TREML4: variants seen among roughly 807,000 people sequenced by gnomAD.
The protein encoded by TREML4 is triggering receptor expressed on myeloid cells like 4.
Under a neutral mutation model 25.4 loss-of-function variants are expected in TREML4, and 25 were observed. The ratio of observed to expected loss-of-function variants is 0.98; its 90% CI spans 0.72 to 1.37. TREML4 has a LOEUF of 1.37. Among genes scored for constraint, TREML4 ranks in the 40% most tolerant of loss-of-function variants. TREML4 has a pLI of 0.00. For synonymous variants in TREML4, 92 were observed against 87.9 expected, an observed-to-expected ratio of 1.05 and a Z score of -0.26; for missense variants, 268 against 236.5, an observed-to-expected ratio of 1.13 and a Z score of -0.87.
rs1474606506 is a variant in TREML4 at position 41,228,499 on chromosome 6, G to A, written c.63+9G>A. ...GCTGCTCCTGGCCTCAGGTGACATG[G>A]AGGGAAAGAGTGCAGGGGGTGTAAG... On this transcript the variant is annotated intron_variant, in intron 1 of 5. Coordinates refer to ENST00000341495, the MANE Select transcript of TREML4 (RefSeq NM_198153.3). 1 of 1,611,798 alleles carries A rather than the reference G, an allele frequency of 6.2e-7. No homozygotes were observed. Among genetic ancestry groups the A allele is most frequent in the Non-Finnish European group, 8.5e-7 (1 of 1,179,114 alleles).
chr6:41,231,984 G>A (rs892893428), intron 4 of TREML4, among the ~76,000 whole-genome samples: 29 of 152,178 alleles, frequency 1.9e-4, no homozygotes, highest in African/African-American at 7.0e-4. Context: ...GACCCATTAT[G>A]TAAAAGGGAA....
At chr6:41,230,561 T>G (rs1446669403) in intron 4 of TREML4, among the ~76,000 whole-genome samples, 2 of 152,136 alleles carry the variant, frequency 1.3e-5, no homozygotes, top group African/African-American at 2.4e-5. Context: ...CGGCCTCCCC[T>G]TCACTGGAGG....
intron 3 of TREML4, 42 bp downstream of exon 3, chr6:41,229,613 C>T (rs941456989): frequency 1.2e-6 from 2 of 1,605,320 alleles, no homozygotes; most frequent in Admixed American, 3.3e-5. Flanking sequence ...GAAGGGTCAC[C>T]AGGCAGCTTG....
intron 4 of TREML4, chr6:41,232,331 G>A (rs1283528946): frequency 5.0e-6 from 2 of 400,270 alleles, no homozygotes; most frequent in African/African-American, 2.0e-5. Flanking sequence ...AGCATCTTGG[G>A]AAAGTTTGTT....
Position 41,230,056 on chromosome 6 carries a change from C to T in TREML4, c.446-6C>T, listed in dbSNP as rs776202576. The T allele has an allele frequency of 1.1e-5, 17 of 1,609,680 alleles. No homozygotes were observed. The South Asian group carries it at 1.8e-4, about 17-fold the overall frequency. ...GCAGCCACTGTCTTCTTTGTGTCCT[C>T]TTTAGTTCTGATCACTTCTCCAGAG... On this transcript the variant is annotated splice_polypyrimidine_tract_variant and splice_region_variant and intron_variant, in intron 3 of 5. Transcript: ENST00000341495.
intron 3 of TREML4, 47 bp downstream of exon 3, chr6:41,229,618 A>C (rs1313269294): frequency 6.3e-7 from 1 of 1,597,360 alleles, no homozygotes; most frequent in South Asian, 1.1e-5. Context: ...GTCACCAGGC[A>C]GCTTGGGAGC....
At chr6:41,230,004 A>T in intron 3 of TREML4, 58 bp from the exon 4 acceptor site, 1 of 1,456,346 alleles carries the variant, frequency 6.9e-7, no homozygotes, top group Non-Finnish European at 9.7e-7. Context: ...TTGGGACCCA[A>T]TCCCATTCTC....
chr6:41,228,583 A>G, intron 1 of TREML4, 93 bp downstream of exon 1: 17 of 1,504,700 alleles, frequency 1.1e-5, no homozygotes, highest in Non-Finnish European at 1.4e-5. Flanking sequence ...CATAGGACAG[A>G]ATTTAGGGGC....
chr6:41,229,295 C>T (rs998820175), intron 2 of TREML4, among the ~76,000 whole-genome samples: 4 of 152,058 alleles, frequency 2.6e-5, no homozygotes, highest in African/African-American at 7.2e-5. Context: ...TGTCACTCTG[C>T]GTCTCTCTTT....
chr6:41,229,997 G>A, intron 3 of TREML4, 65 bp from the exon 4 acceptor site: 1 of 1,398,842 alleles, frequency 7.1e-7, no homozygotes, highest in Non-Finnish European at 1.0e-6. Context: ...CACACTTTTG[G>A]GACCCAATCC....
In TREML4 at chr6:41,228,484, GC is replaced by G. The variant is rs777257478; in HGVS notation, c.59del (p.Pro20LeufsTer77). ...TCCACCTGTGCTGCTGCTGCTCCTGGCCTCAGGTGACATGGAGGGAAAGAGT... is the reference window on the plus strand; with the variant it reads ...TCCACCTGTGCTGCTGCTGCTCCTGGCTCAGGTGACATGGAGGGAAAGAGT... ...CFHLCCCCSW[P>X]QGAVPEELHK... is the part of the protein sequence containing the mutation. On this transcript the variant is annotated frameshift_variant, in exon 1 of 6. Transcript: ENST00000341495. LOFTEE classifies it high-confidence loss of function. 2.4e-5 allele frequency: 39 copies of G among 1,612,612 alleles called. No individual in the cohort carries two copies. Among genetic ancestry groups the G allele is most frequent in the Non-Finnish European group, 3.3e-5 (39 of 1,179,488 alleles).
intron 5 of TREML4, 48 bp downstream of exon 5, chr6:41,236,665 T>G (rs910507422): frequency 9.2e-7 from 1 of 1,089,906 alleles, no homozygotes; most frequent in Non-Finnish European, 1.4e-6. Flanking sequence ...TGGGGCCAGA[T>G]TCTGTTCCTA....
intron 4 of TREML4, chr6:41,232,435 CTAG>C: frequency 2.6e-6 from 1 of 377,556 alleles, no homozygotes; most frequent in Non-Finnish European, 5.5e-6. Context: ...ACATTCTAGA[CTAG>C]CAGTCCCCAA....
chr6:41,232,379 CA>C (rs1271704677), intron 4 of TREML4: 7 of 413,544 alleles, frequency 1.7e-5, no homozygotes, highest in Non-Finnish European at 3.5e-5. Context: ...CAGCTAAGAG[CA>C]AAATGAAGAA....
rs997804762 is a variant in TREML4 at position 41,238,570 on chromosome 6, T to C, written c.*1551T>C. The C allele has an allele frequency of 6.6e-6, 1 of 152,222 alleles. No homozygotes were observed. The highest frequency in any genetic ancestry group is 1.5e-5 in the Non-Finnish European group (1 of 68,028). 9.4% of individuals were successfully genotyped at this position (152,222 alleles called of 1,614,324 possible). A position where few individuals can be genotyped will look rare whatever the true frequency, so the allele number is the denominator to read the frequency against. ...ATGAATACCCTCCTTCACGTTCTCT[T>C]GTGGAATCATGTGAGACTTCCTTTA... On this transcript the variant is annotated 3_prime_UTR_variant, in exon 6 of 6. Transcript: ENST00000341495.
intron 2 of TREML4, 40 bp downstream of exon 2, chr6:41,229,084 C>T (rs1029254272): frequency 2.5e-5 from 38 of 1,546,620 alleles, no homozygotes; most frequent in Non-Finnish European, 3.4e-5. Context: ...GTGCCACCCC[C>T]CAGGGACCTG....
rs1420163142 is a variant in TREML4, at chr6:41,236,544, C to T, written c.565C>T (p.Leu189=). Residue 189 remains leucine, a synonymous_variant, in exon 5 of 6, where the codon CTA becomes TTA. Transcript: ENST00000341495. ...TGGCCCCAGATTCCTGGTCTTGGTG[C>T]TATGTGGACTCCTCCTGGCCAAGGG... The part of the protein sequence containing the change: ...SGGPRFLVLV[L]CGLLLAKGLM... 1 of 1,614,102 alleles carries T rather than the reference C, an allele frequency of 6.2e-7. No homozygotes were observed. Among genetic ancestry groups the T allele is most frequent in the African/African-American group, 1.3e-5 (1 of 75,036 alleles).
chr6:41,230,438 G>A (rs552175761), intron 4 of TREML4, among the ~76,000 whole-genome samples: 11 of 152,330 alleles, frequency 7.2e-5, no homozygotes, highest in Admixed American at 2.0e-4. Context: ...AGTATGAATA[G>A]AGTCACTGCA....
intron 4 of TREML4, chr6:41,232,618 A>G (rs1370936809): frequency 6.4e-6 from 1 of 155,702 alleles, no homozygotes; most frequent in African/African-American, 2.4e-5. Flanking sequence ...ACAACTCACC[A>G]TAATGTAGAG....
Sources: gnomAD v4.1 joint callset for allele counts (sites outside exome capture counted in the v4.1 genomes callset) on GRCh38, gnomAD v4.1.1 for gene constraint, MANE v1.5 for transcripts, NCBI Gene and HGNC (gene_info 2026-07-23, HGNC 2026-07-21) for gene names.